The following ITGA4 variants were observed in gnomAD, a reference collection of about 807,000 sequenced individuals.
ITGA4 encodes integrin subunit alpha 4.
Under a neutral mutation model 133.6 loss-of-function variants are expected in ITGA4, and 63 were observed. That is an observed-to-expected ratio of 0.47 (90% CI 0.38 to 0.58). ITGA4 has a LOEUF of 0.58. Among genes scored for constraint, ITGA4 ranks in the 20% least tolerant of loss-of-function variants. The probability of loss-of-function intolerance (pLI) is 0.00; values close to 1 mark genes in which losing one functional copy is unlikely to be tolerated. For synonymous variants in ITGA4, 483 were observed against 438.0 expected (o/e 1.10, Z -1.28); for missense variants, 1,076 against 1,252.7 (o/e 0.86, Z 2.13).
Position 181,458,241 on chromosome 2 carries a change from A to C in ITGA4, c.243A>C (p.Ser81=). The change falls in exon 2 of 28, where the codon TCA becomes TCC. Residue 81 remains serine, a synonymous_variant. Coordinates refer to ENST00000397033, the MANE Select transcript of ITGA4 (RefSeq NM_000885.6). ...CTGCCAACTGGCTCGCCAACGCTTC[A>C]GTGATCAATCCCGGGGCGATTTACA... The part of the protein sequence containing the change: ...APTANWLANA[S]VINPGAIYRC... 6.2e-7 allele frequency: 1 copy of C among 1,613,776 alleles called. No individual in the cohort carries two copies. The highest frequency in any genetic ancestry group is 1.3e-5 in the African/African-American group (1 of 75,056).
At chr2:181,494,948 C>T in intron 12 of ITGA4, 136 bp downstream of exon 12, 1 of 594,190 alleles carries the variant, frequency 1.7e-6, no homozygotes, top group South Asian at 2.3e-5. Context: ...TTAAAGTTCT[C>T]CTTAATTCAT....
chr2:181,488,749 A>G (rs2034830), intron 10 of ITGA4, among the ~76,000 whole-genome samples: 24,490 of 151,858 alleles, frequency 0.16, 2,185 homozygotes, highest in South Asian at 0.27. Flanking sequence ...TAGTAGAGAC[A>G]GGGTTTCACT....
intron 11 of ITGA4, among the ~76,000 whole-genome samples, chr2:181,494,229 C>G (rs1686114783): frequency 6.6e-6 from 1 of 152,140 alleles, no homozygotes; most frequent in Non-Finnish European, 1.5e-5. Context: ...GTCATAGGCT[C>G]CACTAAGTGA....
intron 2 of ITGA4, among the ~76,000 whole-genome samples, chr2:181,464,176 G>T (rs1321276380): frequency 6.6e-6 from 1 of 152,108 alleles, no homozygotes; most frequent in Non-Finnish European, 1.5e-5. Flanking sequence ...GGAAGAGAGT[G>T]TTTTGAGAAG....
chr2:181,531,277 G>C (rs552122573), intron 24 of ITGA4, among the ~76,000 whole-genome samples: 64 of 152,222 alleles, frequency 4.2e-4, no homozygotes, highest in African/African-American at 1.5e-3. Context: ...TCAGCTTAGT[G>C]AATGTATGAA....
In ITGA4 at chr2:181,537,269, G is replaced by C. The variant is rs116322351; in HGVS notation, c.*1742G>C. On this transcript the variant is annotated 3_prime_UTR_variant, in exon 28 of 28. Transcript: ENST00000397033. ...TTTACATTTGGTTCTTTCCTACTCAGAACTACTCAGAAACAACTATATATT... is the reference window on the plus strand; with the variant it reads ...TTTACATTTGGTTCTTTCCTACTCACAACTACTCAGAAACAACTATATATT... 8.2e-3 allele frequency: 3,699 copies of C among 453,592 alleles called. 97 individuals carry two copies. Among genetic ancestry groups the C allele is most frequent in the African/African-American group, 0.064 (3,199 of 50,060 alleles). 28.1% of individuals were successfully genotyped at this position (453,592 alleles called of 1,614,324 possible). A position where few individuals can be genotyped will look rare whatever the true frequency, so the allele number is the denominator to read the frequency against.
chr2:181,512,295 A>G (rs6735332), intron 17 of ITGA4, among the ~76,000 whole-genome samples: 148,806 of 152,186 alleles, frequency 0.98, 72,855 homozygotes, highest in Middle Eastern at 1. Context: ...CATCAGTGAC[A>G]GGGCAGGGAA....
chr2:181,468,118 C>T (rs940773486), intron 2 of ITGA4, among the ~76,000 whole-genome samples: 2 of 152,222 alleles, frequency 1.3e-5, no homozygotes, highest in African/African-American at 4.8e-5. Flanking sequence ...ATCTCATTTA[C>T]TCCACAGTCC....
At chr2:181,459,270 C>CCATTT (rs1427096051) in intron 2 of ITGA4, 1 of 151,450 alleles carries the variant, frequency 6.6e-6, no homozygotes, top group African/African-American at 2.4e-5. Context: ...AAAGTCTAAG[C>CCATTT]CATTTTCTTC....
intron 20 of ITGA4, among the ~76,000 whole-genome samples, chr2:181,524,663 C>A (rs1310154303): frequency 6.6e-6 from 1 of 152,014 alleles, no homozygotes; most frequent in East Asian, 1.9e-4. Flanking sequence ...TCAGAATAAA[C>A]GTCAAGATGG....
chr2:181,457,904 G>A (rs1240580826), intron 1 of ITGA4, 53 bp downstream of exon 1: 1 of 1,480,578 alleles, frequency 6.8e-7, no homozygotes, highest in African/African-American at 1.4e-5. Flanking sequence ...GCGTGAGAAT[G>A]GCGCCCTAGG....
chr2:181,475,924 A>G (rs963997850), intron 4 of ITGA4: 2 of 1,515,214 alleles, frequency 1.3e-6, no homozygotes, highest in African/African-American at 2.8e-5. Context: ...CTAAAATCCA[A>G]CAATGCGTCT....
intron 9 of ITGA4, among the ~76,000 whole-genome samples, chr2:181,483,046 C>CT (rs1685841825): frequency 6.6e-6 from 1 of 151,932 alleles, no homozygotes; most frequent in Admixed American, 6.6e-5. Flanking sequence ...ATTACTAGGA[C>CT]TAGAAGATGA....
At chr2:181,460,147 T>C (rs1478428765) in intron 2 of ITGA4, among the ~76,000 whole-genome samples, 1 of 152,226 alleles carries the variant, frequency 6.6e-6, no homozygotes, top group Non-Finnish European at 1.5e-5. Context: ...TTAGAAATGA[T>C]GAGCCAAACT....
intron 6 of ITGA4, among the ~76,000 whole-genome samples, chr2:181,480,600 C>T (rs1382351483): frequency 2.0e-5 from 3 of 152,118 alleles, no homozygotes; most frequent in Non-Finnish European, 4.4e-5. Flanking sequence ...TGTTGAGTGC[C>T]TCCCATATCT....
At chr2:181,457,362 C>T (rs1685142561), upstream of ITGA4, 2 of 363,632 alleles carry the variant, frequency 5.5e-6, no homozygotes, top group Non-Finnish European at 1.0e-5. Context: ...CGCCCGGGAC[C>T]CCACCCAGCG....
chr2:181,457,573 C>A lies in ITGA4; in HGVS notation c.-82C>A. On this transcript the variant is annotated 5_prime_UTR_variant, in exon 1 of 28. Coordinates refer to ENST00000397033, the MANE Select transcript of ITGA4 (RefSeq NM_000885.6). ...GCTGCGCCTCATCTCTTGGGGCGTT[C>A]TTCCCCGTTGGCCAACCGTCGCATC... 1.5e-6 allele frequency: 2 copies of A among 1,305,110 alleles called. No homozygotes were observed. The highest frequency in any genetic ancestry group is 2.1e-6 in the Non-Finnish European group (2 of 942,348). The allele number at this position is 1,305,110 out of a possible 1,614,324, so 80.8% of individuals were successfully genotyped here.
At chr2:181,479,258 G>T (rs1293370386) in intron 5 of ITGA4, 2 of 152,152 alleles carry the variant, frequency 1.3e-5, no homozygotes, top group African/African-American at 4.8e-5. Flanking sequence ...CCTTAAATCA[G>T]ATAGACAATA....
At position 181,536,844 on chromosome 2, in the gene ITGA4, A is replaced by C. The variant is rs939745582; in HGVS notation, c.*1317A>C. On this transcript the variant is annotated 3_prime_UTR_variant, in exon 28 of 28. Transcript: ENST00000397033. The stretch of plus-strand genomic sequence containing the variant: ...TATCATTTTATCTGACTCTGCCTTC[A>C]TAAGAGAGCTGTGGCCGAATTTTGA... The C allele has an allele frequency of 1.7e-5, 7 of 414,052 alleles. No individual in the cohort carries two copies. Among genetic ancestry groups the C allele is most frequent in the Non-Finnish European group, 3.4e-5 (7 of 207,378 alleles). 25.6% of individuals were successfully genotyped at this position (414,052 alleles called of 1,614,324 possible).
Sources: allele counts gnomAD v4.1 joint callset (sites outside exome capture counted in the v4.1 genomes callset), GRCh38; gene constraint gnomAD v4.1.1; transcripts MANE v1.5; gene names NCBI Gene and HGNC (gene_info 2026-07-23, HGNC 2026-07-21).